The following AKAP6 variants were observed in gnomAD, a reference collection of about 807,000 sequenced individuals.
AKAP6 encodes the protein A-kinase anchoring protein 6.
In AKAP6, 58 loss-of-function variants were observed where a neutral mutation model predicts 188.5. That is an observed-to-expected ratio of 0.31 (90% CI 0.25 to 0.38). The LOEUF is 0.38. AKAP6 is among the 10% of genes least tolerant of loss of function. The pLI is 1.00. For missense variants in AKAP6, 2,710 were observed against 2,740.0 expected (o/e 0.99, Z 0.24); for synonymous variants, 989 against 998.6 (o/e 0.99, Z 0.18).
At chr14:32,376,886 G>A (rs1385891301) in intron 1 of AKAP6, among the ~76,000 whole-genome samples, 7 of 152,080 alleles carry the variant, frequency 4.6e-5, no homozygotes, top group Non-Finnish European at 8.8e-5. Context: ...TAGTAGAGAT[G>A]GGGTTTCGCC....
intron 2 of AKAP6, among the ~76,000 whole-genome samples, chr14:32,498,705 C>T (rs763468872): frequency 6.6e-6 from 1 of 151,884 alleles, no homozygotes; most frequent in Admixed American, 6.6e-5. Context: ...AGTCAGGGAG[C>T]GAGAACTATT....
At chr14:32,781,940 A>G (rs189359828) in intron 12 of AKAP6, among the ~76,000 whole-genome samples, 142 of 152,216 alleles carry the variant, frequency 9.3e-4, no homozygotes, top group Non-Finnish European at 1.7e-3. Flanking sequence ...AGGTGGGTGG[A>G]TCACTTGAGG....
chr14:32,442,023 T>G (rs971099666), intron 2 of AKAP6, among the ~76,000 whole-genome samples: 1 of 152,188 alleles, frequency 6.6e-6, no homozygotes. Context: ...TCTCACAGGA[T>G]TAGATATTTT....
intron 12 of AKAP6, among the ~76,000 whole-genome samples, chr14:32,813,953 G>T (rs1256662560): frequency 6.7e-6 from 1 of 149,568 alleles, no homozygotes; most frequent in Non-Finnish European, 1.5e-5. Context: ...AGAGGTATTA[G>T]AACAATTGAA....
intron 1 of AKAP6, among the ~76,000 whole-genome samples, chr14:32,389,408 T>G (rs897855126): frequency 1.4e-5 from 2 of 146,948 alleles, no homozygotes; most frequent in Non-Finnish European, 3.0e-5. Flanking sequence ...TATACCTTGT[T>G]TTTTTTTTAG....
At chr14:32,548,419 T>C (rs535559041) in intron 4 of AKAP6, among the ~76,000 whole-genome samples, 3 of 151,896 alleles carry the variant, frequency 2.0e-5, no homozygotes, top group African/African-American at 4.8e-5. Context: ...TTTTTTTTTT[T>C]ACTTGATCTT....
intron 7 of AKAP6, among the ~76,000 whole-genome samples, chr14:32,675,593 G>A (rs935189985): frequency 2.6e-5 from 4 of 152,122 alleles, no homozygotes; most frequent in Admixed American, 2.0e-4. Flanking sequence ...TTAGTAGGAG[G>A]AACTACTTTG....
chr14:32,760,550 A>T (rs1172282024), intron 11 of AKAP6, among the ~76,000 whole-genome samples: 3 of 152,164 alleles, frequency 2.0e-5, no homozygotes, highest in Non-Finnish European at 4.4e-5. Flanking sequence ...ATGATTAGTG[A>T]CTTGTGTTCT....
At chr14:32,690,076 T>TACACACAC (rs10658220) in intron 8 of AKAP6, among the ~76,000 whole-genome samples, 1,591 of 136,000 alleles carry the variant, frequency 0.012, 18 homozygotes, top group African/African-American at 0.025. Flanking sequence ...TGCCCCAAAA[T>TACACACAC]ACACACACAC....
chr14:32,712,182 G>A (rs1470638150), intron 9 of AKAP6, among the ~76,000 whole-genome samples: 2 of 151,994 alleles, frequency 1.3e-5, no homozygotes, highest in Admixed American at 1.3e-4. Flanking sequence ...GCATATAAAA[G>A]TTGCGTTTAC....
At chr14:32,605,875 C>G (rs1342085596) in intron 7 of AKAP6, among the ~76,000 whole-genome samples, 1 of 152,094 alleles carries the variant, frequency 6.6e-6, no homozygotes, top group Non-Finnish European at 1.5e-5. Flanking sequence ...CTACTGGGAG[C>G]TTGAGAAGCA....
At chr14:32,721,094 T>C (rs944330688) in intron 9 of AKAP6, among the ~76,000 whole-genome samples, 1 of 152,218 alleles carries the variant, frequency 6.6e-6, no homozygotes, top group South Asian at 2.1e-4. Flanking sequence ...ATTTTTACTA[T>C]GTGCAGACAT....
chr14:32,560,677 A>G (rs1406773204), intron 4 of AKAP6, among the ~76,000 whole-genome samples: 1 of 152,242 alleles, frequency 6.6e-6, no homozygotes, highest in Non-Finnish European at 1.5e-5. Flanking sequence ...GATGAAACTC[A>G]AAAGATGGAT....
At chr14:32,566,482 T>A (rs759955814) in intron 4 of AKAP6, among the ~76,000 whole-genome samples, 2 of 152,196 alleles carry the variant, frequency 1.3e-5, no homozygotes, top group African/African-American at 2.4e-5. Context: ...TGCATTATCA[T>A]ACATCTCATG....
chr14:32,466,843 ATATT>A lies in AKAP6; in HGVS notation c.324+33028_324+33031del, dbSNP rs971383026. Among the ~76,000 whole-genome samples the A allele has an allele frequency of 4.9e-5, 7 of 144,132 alleles. 1 individual carries two copies. The highest frequency in any genetic ancestry group is 1.9e-4 in the African/African-American group (7 of 37,836). 94.6% of individuals were successfully genotyped at this position (144,132 alleles called of 152,430 possible). On this transcript the variant is annotated intron_variant, in intron 2 of 13. Coordinates refer to ENST00000280979, the MANE Select transcript of AKAP6 (RefSeq NM_004274.5). ...AAAACAAGATTATATATATATATAT[ATATT>A]TTCTTTCTTAGCAAGACTAATTCAT...
rs1884759449 is a variant in AKAP6 at position 32,577,132 on chromosome 14, A to C, written c.2359A>C (p.Lys787Gln). The C allele has an allele frequency of 6.2e-7, 1 of 1,608,760 alleles. No homozygotes were observed. The highest frequency in any genetic ancestry group is 8.5e-7 in the Non-Finnish European group (1 of 1,178,488). The part of the protein sequence containing the change: ...IWEKIEGFVN[K>Q]LDEFIQWLNE... ...TTCCTTTCACAAGGGGTTTGTAAAC[A>C]AACTGGATGAATTCATTCAATGGTT... is the stretch of plus-strand genomic sequence containing the variant. Residue 787 changes from lysine (K) to glutamine (Q), a missense_variant, in exon 5 of 14, where the codon AAA (lysine) becomes CAA (glutamine). This residue lies in a region of AKAP6 where 2,473 missense variants were observed against 2,426.1 expected (regional missense o/e 1.02). Transcript: ENST00000280979.
intron 9 of AKAP6, among the ~76,000 whole-genome samples, chr14:32,719,740 A>C (rs2030428320): frequency 6.6e-6 from 1 of 152,172 alleles, no homozygotes; most frequent in Non-Finnish European, 1.5e-5. Context: ...TGAATTTTAT[A>C]TCATATTAGT....
intron 12 of AKAP6, among the ~76,000 whole-genome samples, chr14:32,807,282 C>T (rs1041719021): frequency 6.7e-6 from 1 of 150,092 alleles, no homozygotes; most frequent in African/African-American, 2.5e-5. Context: ...ACTATGACTG[C>T]ACCACTGCAC....
At chr14:32,571,140 G>A (rs1317015431) in intron 4 of AKAP6, among the ~76,000 whole-genome samples, 2 of 152,068 alleles carry the variant, frequency 1.3e-5, no homozygotes, top group African/African-American at 2.4e-5. Flanking sequence ...AGTACCATCT[G>A]AGGGTTATTT....
Sources: gnomAD v4.1 joint callset for allele counts (sites outside exome capture counted in the v4.1 genomes callset) on GRCh38, gnomAD v4.1.1 for gene constraint, gnomAD v4.1.1 regional missense constraint, MANE v1.5 for transcripts, NCBI Gene and HGNC (gene_info 2026-07-23, HGNC 2026-07-21) for gene names.